The following WNK1 variants were observed in gnomAD, a reference collection of about 807,000 sequenced individuals.
The protein encoded by WNK1 is WNK lysine deficient protein kinase 1.
In WNK1, 38 loss-of-function variants were observed where a neutral mutation model predicts 222.8. The observed-to-expected ratio is 0.17, with a 90% CI of 0.13 to 0.22. The LOEUF is 0.22. WNK1 is among the 10% of genes least tolerant of loss of function. The pLI is 1.00. For missense variants in WNK1, 2,348 were observed against 2,918.4 expected, an observed-to-expected ratio of 0.80 and a Z score of 4.50; for synonymous variants, 1,090 against 1,092.9, an observed-to-expected ratio of 1.00 and a Z score of 0.05.
intron 3 of WNK1, among the ~76,000 whole-genome samples, chr12:828,875 G>T (rs2154027169): frequency 6.6e-6 from 1 of 152,294 alleles, no homozygotes; most frequent in African/African-American, 2.4e-5. Flanking sequence ...AGTGAACTTG[G>T]ATACTGAGTA....
In WNK1 at chr12:883,433, G is replaced by A. The variant is rs150741196; in HGVS notation, c.3528G>A (p.Ser1176=). Residue 1176 remains serine (S), a synonymous_variant, in exon 16 of 28, where the codon TCG becomes TCA. Transcript: ENST00000315939. Reference sequence around the variant, plus strand: ...TTATTCTAGCAATAGAGAGAGAGTCGTTTGTGGATCAAGTGCGAGAAATTA... The same window carrying A: ...TTATTCTAGCAATAGAGAGAGAGTCATTTGTGGATCAAGTGCGAGAAATTA... ...NDFILAIERE[S]FVDQVREIIE... 12 of 1,614,018 alleles carry A rather than the reference G, an allele frequency of 7.4e-6. No individual in the cohort carries two copies. Among genetic ancestry groups the A allele is most frequent in the Middle Eastern group, 3.3e-4 (2 of 6,084 alleles).
rs1057261744 is a variant in WNK1 at position 763,691 on chromosome 12, A to G, written c.759+9367A>G. On this transcript the variant is annotated intron_variant, in intron 1 of 27. Coordinates refer to ENST00000315939, the MANE Select transcript of WNK1 (RefSeq NM_018979.4). ...GCCTCAAGTAAGGGAGGGCTACTCT[A>G]GTTAGGATATGAGTGTGAGATTTTT... is the stretch of plus-strand genomic sequence containing the variant. Among the ~76,000 whole-genome samples, 5 of 147,698 alleles carry G rather than the reference A, an allele frequency of 3.4e-5. 2 individuals carry two copies. Among genetic ancestry groups the G allele is most frequent in the African/African-American group, 1.2e-4 (5 of 41,114 alleles).
intron 4 of WNK1, among the ~76,000 whole-genome samples, chr12:838,809 T>C (rs1268154987): frequency 6.6e-6 from 1 of 152,074 alleles, no homozygotes; most frequent in Non-Finnish European, 1.5e-5. Context: ...TAACTAATTT[T>C]TTTTCCAAAA....
intron 3 of WNK1, among the ~76,000 whole-genome samples, chr12:829,141 T>C (rs898409408): frequency 2.0e-5 from 3 of 152,238 alleles, no homozygotes; most frequent in African/African-American, 7.2e-5. Flanking sequence ...GATTAAATGA[T>C]AGTGTGCATG....
At chr12:804,053 A>G (rs187030818) in intron 1 of WNK1, among the ~76,000 whole-genome samples, 1 of 152,330 alleles carries the variant, frequency 6.6e-6, no homozygotes, top group African/African-American at 2.4e-5. Flanking sequence ...CTCTTATTTA[A>G]AGACCTAAGA....
At chr12:864,526 CTAG>C (rs1951476654) in intron 8 of WNK1, among the ~76,000 whole-genome samples, 1 of 152,062 alleles carries the variant, frequency 6.6e-6, no homozygotes, top group African/African-American at 2.4e-5. Flanking sequence ...AAACTTTTTC[CTAG>C]TAGATCATGA....
At position 754,004 on chromosome 12, in the gene WNK1, G is replaced by A; in HGVS notation, c.439G>A (p.Ala147Thr). ...PPAAAAPGEQ[A>T]VAGPAPSTVP... ...AGCCGCTGCCGCCCCTGGGGAACAG[G>A]CCGTCGCGGGCCCTGCCCCCTCGAC... Residue 147 changes from alanine to threonine, a missense_variant, in exon 1 of 28, where the codon GCC becomes ACC. By Grantham distance (58) the Ala-to-Thr change is moderately conservative. This residue lies in a region of WNK1 where 185 missense variants were observed against 159.2 expected (regional missense o/e 1.16). Coordinates refer to ENST00000315939, the MANE Select transcript of WNK1 (RefSeq NM_018979.4). 1 of 1,586,216 alleles carries A rather than the reference G, an allele frequency of 6.3e-7. No individual in the cohort carries two copies. Among genetic ancestry groups the A allele is most frequent in the African/African-American group, 1.3e-5 (1 of 74,384 alleles).
chr12:763,332 C>T (rs1345381522), intron 1 of WNK1, among the ~76,000 whole-genome samples: 2 of 146,960 alleles, frequency 1.4e-5, no homozygotes, highest in Non-Finnish European at 3.0e-5. Flanking sequence ...GCTTGTAATC[C>T]CAACACTTTG....
Position 905,549 on chromosome 12 carries a change from C to T in WNK1, c.6644-2298C>T, listed in dbSNP as rs144163737. Reference sequence around the variant, plus strand: ...TTGTATTTAGCTTTTGACAGCTCTGCTCCCCTGTGATTATTTCTGTTTTTT... The same window carrying T: ...TTGTATTTAGCTTTTGACAGCTCTGTTCCCCTGTGATTATTTCTGTTTTTT... On this transcript the variant is annotated intron_variant, in intron 26 of 27. Coordinates refer to ENST00000315939, the MANE Select transcript of WNK1 (RefSeq NM_018979.4). 8.5e-4 allele frequency among the ~76,000 whole-genome samples: 130 copies of T among 152,186 alleles called. 1 individual carries two copies. The highest frequency in any genetic ancestry group is 6.8e-3 in the Middle Eastern group (2 of 294).
rs999878897 is a variant in WNK1 at position 758,741 on chromosome 12, A to G, written c.759+4417A>G. Among the ~76,000 whole-genome samples, 9 of 147,136 alleles carry G rather than the reference A, an allele frequency of 6.1e-5. 2 individuals are homozygous for G. Among genetic ancestry groups the G allele is most frequent in the Admixed American group, 1.4e-4 (2 of 14,792 alleles). On this transcript the variant is annotated intron_variant, in intron 1 of 27. Coordinates refer to ENST00000315939, the MANE Select transcript of WNK1 (RefSeq NM_018979.4). ...GAGAATCAGCGTAACTTTCCGTCTC[A>G]GGGAATAGTTTTTGGAGTTTGTTCT...
chr12:845,138 G>A (rs1042893339), intron 4 of WNK1, among the ~76,000 whole-genome samples: 43 of 151,438 alleles, frequency 2.8e-4, no homozygotes, highest in African/African-American at 7.7e-4. Context: ...CTCGTGATCC[G>A]CCCGCCTCAG....
chr12:753,238 C>A lies in WNK1; in HGVS notation c.-328C>A, dbSNP rs189463195. 3.2e-6 allele frequency: 1 copy of A among 316,294 alleles called. No individual in the cohort carries two copies. Among genetic ancestry groups the A allele is most frequent in the Non-Finnish European group, 5.8e-6 (1 of 171,156 alleles). 19.6% of individuals were successfully genotyped at this position (316,294 alleles called of 1,614,324 possible). A position where few individuals can be genotyped will look rare whatever the true frequency, so the allele number is the denominator to read the frequency against. ...CCCTCCCCTCATGACTGCGGCGCCT[C>A]TGCTGCCACCGCCCGCCCGGCCGCC... On this transcript the variant is annotated 5_prime_UTR_variant, in exon 1 of 28. In the 5' UTR this introduces an upstream ATG that the reference lacks. Coordinates refer to ENST00000315939, the MANE Select transcript of WNK1 (RefSeq NM_018979.4). The surrounding 1 kb of genome is among the most constrained non-coding windows in gnomAD (Gnocchi z 5.2).
At chr12:811,409 A>G (rs1377539491) in intron 1 of WNK1, among the ~76,000 whole-genome samples, 1 of 152,160 alleles carries the variant, frequency 6.6e-6, no homozygotes, top group Non-Finnish European at 1.5e-5. Context: ...TGTCATTGAA[A>G]CATGAGCTTT....
At chr12:769,178 C>A (rs966517926) in intron 1 of WNK1, among the ~76,000 whole-genome samples, 1 of 151,884 alleles carries the variant, frequency 6.6e-6, no homozygotes, top group Admixed American at 6.6e-5. Context: ...ACAGTTGTCC[C>A]AGATTTGGCT....
At chr12:906,202 TA>T in intron 26 of WNK1, 2 of 697,280 alleles carry the variant, frequency 2.9e-6, no homozygotes, top group Non-Finnish European at 3.5e-6. Context: ...TAGGAGCTTT[TA>T]TTTATTCTGT....
At chr12:869,152 C>T (rs770062146) in intron 8 of WNK1, 1 of 1,600,126 alleles carries the variant, frequency 6.2e-7, no homozygotes, top group South Asian at 1.1e-5. Context: ...TACTTTGCAC[C>T]ATAACATTTA....
At chr12:873,007 G>A (rs556304270) in intron 9 of WNK1, among the ~76,000 whole-genome samples, 1 of 152,284 alleles carries the variant, frequency 6.6e-6, no homozygotes, top group East Asian at 1.9e-4. Flanking sequence ...TTAAATTCAA[G>A]TAAACATATT....
Position 879,728 on chromosome 12 carries a change from G to C in WNK1, c.2529G>C (p.Gln843His). 2.5e-6 allele frequency: 4 copies of C among 1,613,540 alleles called. No homozygotes were observed. The highest frequency in any genetic ancestry group is 2.5e-6 in the Non-Finnish European group (3 of 1,179,896). ...TPLLPQYPVS[Q>H]IPISTPHVST... ...TGCTCCCTCAGTACCCTGTCTCTCA[G>C]ATTCCCATATCAACTCCTCATGTGT... The change falls in exon 11 of 28, where the codon CAG becomes CAC. Residue 843 changes from glutamine to histidine, a missense_variant. Physicochemically the swap from Gln to His is conservative, Grantham distance 24 (BLOSUM62 0). This residue lies in a region of WNK1 where 547 missense variants were observed against 558.3 expected (regional missense o/e 0.98). Transcript: ENST00000315939.
chr12:815,442 G>A (rs1176639419), intron 2 of WNK1, among the ~76,000 whole-genome samples: 1 of 152,152 alleles, frequency 6.6e-6, no homozygotes, highest in Admixed American at 6.5e-5. Flanking sequence ...GTTGAAACAT[G>A]AACAGATCAT....
Sources: gnomAD v4.1 joint callset for allele counts (sites outside exome capture counted in the v4.1 genomes callset) on GRCh38, gnomAD v4.1.1 for gene constraint, gnomAD v4.1.1 regional missense constraint, Gnocchi (gnomAD v3.1) non-coding constraint, MANE v1.5 for transcripts, NCBI Gene and HGNC (gene_info 2026-07-23, HGNC 2026-07-21) for gene names.